The following EEF1B2 variants were observed in gnomAD, a reference collection of about 807,000 sequenced individuals.
EEF1B2 encodes the protein elongation factor 1-beta.
EEF1B2 carries 12 observed loss-of-function variants against 28.3 expected under a neutral mutation model. The ratio of observed to expected loss-of-function variants is 0.42; its 90% CI spans 0.27 to 0.69. The LOEUF is 0.69. EEF1B2 is among the 30% of genes least tolerant of loss of function. The probability of loss-of-function intolerance (pLI) is 0.22; values close to 1 mark genes in which losing one functional copy is unlikely to be tolerated. For synonymous variants in EEF1B2, 83 were observed against 99.9 expected, an observed-to-expected ratio of 0.83 and a Z score of 1.01; for missense variants, 234 against 272.6, an observed-to-expected ratio of 0.86 and a Z score of 1.00.
intron 3 of EEF1B2, 82 bp downstream of exon 3, chr2:206,161,554 G>A (rs1023225642): frequency 5.7e-6 from 9 of 1,572,790 alleles, no homozygotes; most frequent in East Asian, 2.3e-5. Flanking sequence ...AGGCTGAGGC[G>A]GGTGGATCAC....
intron 1 of EEF1B2, 65 bp downstream of exon 1, chr2:206,160,124 C>A (rs928410613): frequency 6.4e-7 from 1 of 1,568,370 alleles, no homozygotes; most frequent in Admixed American, 1.8e-5. Flanking sequence ...GGCCACGTGG[C>A]GCAGCGTGTC....
rs200903337 is a variant in EEF1B2 at position 206,162,704 on chromosome 2, G to C, written c.524-25G>C. ...CTTTCCTACAAGACTTTTCTAACTA[G>C]GATTTTTCTTAATGCTCTTTTTAGC... is the stretch of plus-strand genomic sequence containing the variant. On this transcript the variant is annotated intron_variant, in intron 5 of 5. Coordinates refer to ENST00000392222, the MANE Select transcript of EEF1B2 (RefSeq NM_001959.4). 3.4e-5 allele frequency: 55 copies of C among 1,612,578 alleles called. No individual in the cohort carries two copies. The African/African-American group carries it at 4.4e-4, about 13-fold the overall frequency.
At chr2:206,161,732 T>C in intron 3 of EEF1B2, 1 of 534,348 alleles carries the variant, frequency 1.9e-6, no homozygotes, top group Admixed American at 3.0e-5. Flanking sequence ...ATCGTGCCAC[T>C]GCATCCAGCC....
In EEF1B2 at chr2:206,162,771, TA is replaced by T; in HGVS notation, c.567del (p.Gln190SerfsTer3). The T allele has an allele frequency of 6.2e-7, 1 of 1,612,762 alleles. No individual in the cohort carries two copies. The highest frequency in any genetic ancestry group is 1.3e-5 in the African/African-American group (1 of 75,050). On this transcript the variant is annotated frameshift_variant, in exon 6 of 6. Coordinates refer to ENST00000392222, the MANE Select transcript of EEF1B2 (RefSeq NM_001959.4). LOFTEE classifies it high-confidence loss of function. ...PVGYGIKKLQ[I>X]QCVVEDDKVG... is the part of the protein sequence containing the mutation. ...GGATACGGAATTAAGAAACTTCAAA[TA>T]CAGTGTGTAGTTGAAGATGATAAAG...
chr2:206,159,668 C>T (rs758213862), upstream of EEF1B2: 1 of 258,212 alleles, frequency 3.9e-6, no homozygotes, highest in Non-Finnish European at 7.4e-6. Flanking sequence ...TTCCCGTCAT[C>T]TTCGGGAGCC....
At chr2:206,160,482 C>T (rs1418775170) in intron 1 of EEF1B2, 106 bp from the exon 2 acceptor site, 4 of 1,574,906 alleles carry the variant, frequency 2.5e-6, no homozygotes, top group African/African-American at 1.4e-5. Context: ...AGCAACCCTG[C>T]TGGGGTTAGT....
chr2:206,162,141 G>T, intron 4 of EEF1B2, 37 bp downstream of exon 4: 1 of 1,583,386 alleles, frequency 6.3e-7, no homozygotes, highest in Non-Finnish European at 8.7e-7. Flanking sequence ...TCATGTTAAT[G>T]TAAGTAATCT....
At chr2:206,160,432 G>T in intron 1 of EEF1B2, 156 bp from the exon 2 acceptor site, 9 of 1,351,356 alleles carry the variant, frequency 6.7e-6, no homozygotes, top group Non-Finnish European at 9.0e-6. Flanking sequence ...CAAACATATG[G>T]TTTGATTTGA....
intron 1 of EEF1B2, 80 bp downstream of exon 1, chr2:206,160,139 G>C: frequency 6.6e-7 from 1 of 1,520,768 alleles, no homozygotes; most frequent in Non-Finnish European, 8.8e-7. Flanking sequence ...CGTGTCGGCT[G>C]CCGCGGGAGG....
At chr2:206,161,522 C>T (rs1559073583) in intron 3 of EEF1B2, 50 bp downstream of exon 3, 1 of 1,605,178 alleles carries the variant, frequency 6.2e-7, no homozygotes, top group Non-Finnish European at 8.5e-7. Flanking sequence ...GTGGCTCATG[C>T]CTGTAATCCC....
chr2:206,161,700 G>A (rs1687937338), intron 3 of EEF1B2: 1 of 558,272 alleles, frequency 1.8e-6, no homozygotes, highest in East Asian at 3.5e-5. Flanking sequence ...AACCTAGGAA[G>A]CGGAGGTTGC....
At chr2:206,160,522 T>C in intron 1 of EEF1B2, 66 bp from the exon 2 acceptor site, 5 of 1,611,740 alleles carry the variant, frequency 3.1e-6, no homozygotes, top group Non-Finnish European at 4.2e-6. Context: ...GCATACGGTA[T>C]TTATTATTTA....
rs750912367 is a variant in EEF1B2 at position 206,161,444 on chromosome 2, T to C, written c.302T>C (p.Ile101Thr). ...GATDSKDDDD[I>T]DLFGSDDEEE... ...ACAGATAGTAAAGATGATGATGACA[T>C]TGACCTCTTTGGATCTGATGATGAG... The change falls in exon 3 of 6, where the codon ATT (isoleucine) becomes ACT (threonine). Residue 101 changes from isoleucine to threonine, a missense_variant. Transcript: ENST00000392222. 2.5e-6 allele frequency: 4 copies of C among 1,613,890 alleles called. No homozygotes were observed. Among genetic ancestry groups the C allele is most frequent in the Non-Finnish European group, 3.4e-6 (4 of 1,179,852 alleles).
At chr2:206,162,175 A>G in intron 4 of EEF1B2, 71 bp downstream of exon 4, 1 of 1,456,280 alleles carries the variant, frequency 6.9e-7, no homozygotes, top group Non-Finnish European at 9.6e-7. Flanking sequence ...ACCTTGAAGT[A>G]ATTTCCTCCA....
chr2:206,161,389 G>A lies in EEF1B2; in HGVS notation c.247G>A (p.Asp83Asn), dbSNP rs548754648. The change falls in exon 3 of 6, where the codon GAT becomes AAT. Residue 83 changes from aspartate (D) to asparagine (N), a missense_variant. By Grantham distance (23) the Asp-to-Asn change is conservative. Around this residue, in one of 2 missense-constraint regions of EEF1B2, gnomAD observed 178 missense variants for 173.3 expected, o/e 1.03. Coordinates refer to ENST00000392222, the MANE Select transcript of EEF1B2 (RefSeq NM_001959.4). The part of the protein sequence containing the change: ...KKALGKYGPA[D>N]VEDTTGSGAT... Reference sequence around the variant, plus strand: ...AGCTTTGGGCAAATATGGTCCTGCCGATGTGGAAGACACTACAGGAAGTGG... The same window carrying A: ...AGCTTTGGGCAAATATGGTCCTGCCAATGTGGAAGACACTACAGGAAGTGG... 7.4e-6 allele frequency: 12 copies of A among 1,614,134 alleles called. No homozygotes were observed. The highest frequency in any genetic ancestry group is 6.7e-5 in the African/African-American group (5 of 75,060).
upstream of EEF1B2, chr2:206,159,891 G>T: frequency 1.4e-6 from 2 of 1,466,072 alleles, no homozygotes; most frequent in South Asian, 2.5e-5. Context: ...CGGTCTCTTC[G>T]GGTCCTTTTT....
upstream of EEF1B2, chr2:206,159,744 T>A (rs1687841424): frequency 6.1e-6 from 3 of 491,802 alleles, no homozygotes; most frequent in South Asian, 9.0e-5. Context: ...GAAAGGTCCA[T>A]GGACAATTTG....
chr2:206,160,813 G>T (rs1191289735), intron 2 of EEF1B2, 103 bp downstream of exon 2: 42 of 1,577,344 alleles, frequency 2.7e-5, no homozygotes, highest in Non-Finnish European at 3.3e-5. Context: ...GTTTTGTTGG[G>T]ATATTGTAAG....
upstream of EEF1B2, chr2:206,159,888 T>G: frequency 6.8e-7 from 1 of 1,463,126 alleles, no homozygotes; most frequent in Non-Finnish European, 9.3e-7. Context: ...TTCCGGTCTC[T>G]TCGGGTCCTT....
Sources: gnomAD v4.1 joint callset for allele counts on GRCh38, gnomAD v4.1.1 for gene constraint, gnomAD v4.1.1 regional missense constraint, MANE v1.5 for transcripts, NCBI Gene and HGNC (gene_info 2026-07-23, HGNC 2026-07-21) for gene names.